The following SRBD1 variants were observed in gnomAD, a reference collection of about 807,000 sequenced individuals.
SRBD1 encodes S1 RNA binding domain 1, also known as S1 RNA-binding domain-containing protein 1.
SRBD1 carries 88 observed loss-of-function variants against 115.3 expected under a neutral mutation model. The ratio of observed to expected loss-of-function variants is 0.76; its 90% CI spans 0.64 to 0.91. SRBD1 has a LOEUF of 0.91. Ranked by LOEUF, SRBD1 falls within the 40% of genes least tolerant of loss-of-function variation. SRBD1 has a pLI of 0.00. For synonymous variants in SRBD1, 509 were observed against 407.7 expected (o/e 1.25, Z -2.99); for missense variants, 1,385 against 1,177.4 (o/e 1.18, Z -2.58).
In SRBD1 at chr2:45,579,882, G is replaced by A. The variant is rs143177963; in HGVS notation, c.1065C>T (p.Asp355=). 288 of 1,573,114 alleles carry A rather than the reference G, an allele frequency of 1.8e-4. No homozygotes were observed. The highest frequency in any genetic ancestry group is 8.0e-4 in the East Asian group (35 of 43,888). ...ELSLLSYIRP[D]VKGLSTLQDI... ...TGTAAATAAAGCCAGTACCTTTAAC[G>A]TCAGGCCTAATGTACGATAGCAGAC... is the stretch of plus-strand genomic sequence containing the variant. The change falls in exon 7 of 21, where the codon GAC becomes GAT. Residue 355 remains aspartate, a synonymous_variant. Coordinates refer to ENST00000263736, the MANE Select transcript of SRBD1 (RefSeq NM_018079.5).
chr2:45,413,663 CACACCTGTAATCCCA>C (rs1473651283), intron 18 of SRBD1, among the ~76,000 whole-genome samples: 1 of 152,124 alleles, frequency 6.6e-6, no homozygotes, highest in African/African-American at 2.4e-5. Context: ...CGCAGTGGCT[CACACCTGTAATCCCA>C]ACACTTTGGG....
At chr2:45,515,584 C>A (rs1289269719) in intron 14 of SRBD1, among the ~76,000 whole-genome samples, 7 of 152,104 alleles carry the variant, frequency 4.6e-5, no homozygotes, top group Non-Finnish European at 1.0e-4. Flanking sequence ...GACTGTATAA[C>A]TCTGGAGTCT....
chr2:45,483,840 A>G (rs1037914645), intron 15 of SRBD1, among the ~76,000 whole-genome samples: 2 of 152,124 alleles, frequency 1.3e-5, no homozygotes, highest in African/African-American at 4.8e-5. Flanking sequence ...AATCTACTGT[A>G]ATCCTGACCC....
chr2:45,586,710 A>AT (rs747668841), intron 4 of SRBD1, among the ~76,000 whole-genome samples: 56 of 145,202 alleles, frequency 3.9e-4, no homozygotes, highest in Middle Eastern at 3.5e-3. Context: ...CACCTGGCTA[A>AT]TTTTTTTTTT....
Position 45,406,527 on chromosome 2 carries a change from C to T in SRBD1, c.2513+6587G>A, listed in dbSNP as rs142611044. Among the ~76,000 whole-genome samples, 408 of 152,266 alleles carry T rather than the reference C, an allele frequency of 2.7e-3. 1 individual carries two copies. Among genetic ancestry groups the T allele is most frequent in the African/African-American group, 9.1e-3 (380 of 41,566 alleles). On this transcript the variant is annotated intron_variant, in intron 19 of 20. Transcript: ENST00000263736. Reference sequence around the variant, plus strand: ...ATTTAATTGACATTCTACCTCCATCCTCTTGCTGAAAACCCTGCTCTGGCT... The same window carrying T: ...ATTTAATTGACATTCTACCTCCATCTTCTTGCTGAAAACCCTGCTCTGGCT...
At chr2:45,521,537 C>T (rs991001558) in intron 14 of SRBD1, among the ~76,000 whole-genome samples, 1 of 151,970 alleles carries the variant, frequency 6.6e-6, no homozygotes, top group African/African-American at 2.4e-5. Flanking sequence ...AACTGGACCC[C>T]TCATGCATTG....
chr2:45,574,824 AC>A, intron 7 of SRBD1, 101 bp from the exon 8 acceptor site: 1 of 1,017,656 alleles, frequency 9.8e-7, no homozygotes, highest in Non-Finnish European at 1.4e-6. Context: ...TCAAAATAAA[AC>A]CTTAAGTTGA....
rs745791158 is a variant in SRBD1 at position 45,418,592 on chromosome 2, A to C, written c.2157-51T>G. ...AAAAAAAGATCTCATCTGAAAAGAC[A>C]ATGATATAAAACATTTGGATCATAA... On this transcript the variant is annotated intron_variant, in intron 17 of 20. Transcript: ENST00000263736. The C allele has an allele frequency of 2.6e-6, 4 of 1,540,978 alleles. No individual in the cohort carries two copies. In the South Asian group the frequency reaches 3.6e-5, roughly 14 times the overall value.
chr2:45,562,380 C>T (rs1403590364), intron 10 of SRBD1, among the ~76,000 whole-genome samples: 1 of 152,088 alleles, frequency 6.6e-6, no homozygotes, highest in African/African-American at 2.4e-5. Context: ...GTGTGCACCA[C>T]CATGCCCAGC....
intron 14 of SRBD1, among the ~76,000 whole-genome samples, chr2:45,539,082 T>C (rs1290770055): frequency 6.6e-6 from 1 of 152,140 alleles, no homozygotes; most frequent in African/African-American, 2.4e-5. Context: ...GGTCTTACTT[T>C]GGTGTCGGAA....
intron 6 of SRBD1, among the ~76,000 whole-genome samples, chr2:45,581,287 GT>G (rs1407553837): frequency 6.6e-6 from 1 of 151,902 alleles, no homozygotes; most frequent in African/African-American, 2.4e-5. Flanking sequence ...ACTTCAAAAG[GT>G]GGTAACCTCC....
At chr2:45,603,425 T>C (rs1674163362) in intron 2 of SRBD1, among the ~76,000 whole-genome samples, 1 of 152,158 alleles carries the variant, frequency 6.6e-6, no homozygotes, top group Non-Finnish European at 1.5e-5. Flanking sequence ...ACTCCTCTTC[T>C]CCCTAACCTC....
At chr2:45,437,584 C>T (rs954452237) in intron 16 of SRBD1, among the ~76,000 whole-genome samples, 2 of 152,140 alleles carry the variant, frequency 1.3e-5, no homozygotes, top group Non-Finnish European at 2.9e-5. Flanking sequence ...AATCATAAGA[C>T]AGACATGGTG....
chr2:45,584,028 G>A (rs138572397), intron 5 of SRBD1, among the ~76,000 whole-genome samples: 293 of 152,204 alleles, frequency 1.9e-3, no homozygotes, highest in Middle Eastern at 0.01. Context: ...TCTTGCTTGT[G>A]AGGCTTTCTC....
At chr2:45,437,423 G>C (rs1344493169) in intron 16 of SRBD1, among the ~76,000 whole-genome samples, 2 of 148,432 alleles carry the variant, frequency 1.3e-5, no homozygotes, top group Middle Eastern at 3.6e-3. Flanking sequence ...CATATACATA[G>C]AGTCAACTGA....
intron 3 of SRBD1, among the ~76,000 whole-genome samples, chr2:45,600,608 C>T (rs997569741): frequency 2.0e-5 from 3 of 152,098 alleles, no homozygotes; most frequent in Admixed American, 6.6e-5. Context: ...AACAAGAGTC[C>T]GCACAGCAGC....
chr2:45,590,074 C>G (rs1420362031), intron 4 of SRBD1, among the ~76,000 whole-genome samples: 1 of 152,226 alleles, frequency 6.6e-6, no homozygotes, highest in Admixed American at 6.5e-5. Flanking sequence ...CAGAGAATAA[C>G]ATCAAAAGCC....
At chr2:45,556,438 T>G (rs146926386) in intron 10 of SRBD1, among the ~76,000 whole-genome samples, 111 of 148,186 alleles carry the variant, frequency 7.5e-4, no homozygotes, top group Middle Eastern at 7.0e-3. Flanking sequence ...TTCTGCTCTA[T>G]GCTCTATTAC....
intron 14 of SRBD1, among the ~76,000 whole-genome samples, chr2:45,498,951 A>T (rs932649590): frequency 1.3e-5 from 2 of 152,224 alleles, no homozygotes; most frequent in Admixed American, 6.5e-5. Context: ...GTGTTGCAAT[A>T]AACATGGGAG....
Sources: allele counts gnomAD v4.1 joint callset (sites outside exome capture counted in the v4.1 genomes callset), GRCh38; gene constraint gnomAD v4.1.1; transcripts MANE v1.5; gene names NCBI Gene and HGNC (gene_info 2026-07-23, HGNC 2026-07-21).